The following CNTN5 variants were observed in gnomAD, a reference collection of about 807,000 sequenced individuals.
CNTN5 encodes the protein contactin-5.
In CNTN5, 77 loss-of-function variants were observed where a neutral mutation model predicts 129.1. That is an observed-to-expected ratio of 0.60 (90% CI 0.50 to 0.72). The LOEUF is 0.72. Ranked by LOEUF, CNTN5 falls within the 30% of genes least tolerant of loss-of-function variation. The pLI, the probability that CNTN5 is intolerant of heterozygous loss-of-function variation, is 0.00. For missense variants in CNTN5, 1,478 were observed against 1,328.8 expected, an observed-to-expected ratio of 1.11 and a Z score of -1.75; for synonymous variants, 509 against 465.6, an observed-to-expected ratio of 1.09 and a Z score of -1.20.
intron 3 of CNTN5, among the ~76,000 whole-genome samples, chr11:99,659,568 A>G (rs575291416): frequency 2.6e-5 from 4 of 152,146 alleles, no homozygotes; most frequent in Non-Finnish European, 5.9e-5. Context: ...AGGAGCTGGT[A>G]AGTCCAAAAT....
chr11:99,147,876 T>G (rs918156143), intron 1 of CNTN5, among the ~76,000 whole-genome samples: 2 of 152,078 alleles, frequency 1.3e-5, no homozygotes, highest in Non-Finnish European at 2.9e-5. Flanking sequence ...AGCACTTCAT[T>G]TTATATATTG....
At chr11:99,316,740 A>AG (rs2135985120) in intron 1 of CNTN5, among the ~76,000 whole-genome samples, 1 of 152,194 alleles carries the variant, frequency 6.6e-6, no homozygotes, top group South Asian at 2.1e-4. Context: ...TCAAAAAAAA[A>AG]AAAAGAAAAA....
Position 99,277,080 on chromosome 11 carries a change from A to T in CNTN5, c.-209-48266A>T, listed in dbSNP as rs755196586. ...GGCCTCATTTTCTAAAGCAACATAC[A>T]TATCATTTTGAAAATCTTTGCTAAT... On this transcript the variant is annotated intron_variant, in intron 1 of 24. Transcript: ENST00000524871. 3.3e-5 allele frequency among the ~76,000 whole-genome samples: 5 copies of T among 151,832 alleles called. No homozygotes were observed. The South Asian group carries it at 1.0e-3, about 31-fold the overall frequency.
intron 17 of CNTN5, among the ~76,000 whole-genome samples, chr11:100,260,918 T>C (rs1430016882): frequency 6.6e-6 from 1 of 152,118 alleles, no homozygotes. Flanking sequence ...CCATTTCTAT[T>C]AAAAATAGTA....
Position 99,685,108 on chromosome 11 carries a change from G to C in CNTN5, c.55+128839G>C, listed in dbSNP as rs1438700542. 4.6e-5 allele frequency among the ~76,000 whole-genome samples: 7 copies of C among 151,108 alleles called. No individual in the cohort carries two copies. The East Asian group carries it at 1.4e-3, about 29-fold the overall frequency. ...TCTAACAAATTTTTCTCACATTTTT[G>C]TCATAATTTCAATTTTTTTCCATTT... is the stretch of plus-strand genomic sequence containing the variant. On this transcript the variant is annotated intron_variant, in intron 3 of 24. Transcript: ENST00000524871.
At chr11:99,930,796 A>ACACACACACACAC (rs1950174060) in intron 7 of CNTN5, among the ~76,000 whole-genome samples, 3 of 149,454 alleles carry the variant, frequency 2.0e-5, no homozygotes, top group Admixed American at 1.3e-4. Flanking sequence ...CATACACACA[A>ACACACACACACAC]ACACACACAC....
intron 1 of CNTN5, among the ~76,000 whole-genome samples, chr11:99,099,968 T>G (rs183064281): frequency 2.9e-4 from 44 of 152,268 alleles, no homozygotes; most frequent in African/African-American, 1.0e-3. Context: ...TTGGTTGAAA[T>G]CATATTCTAT....
intron 3 of CNTN5, among the ~76,000 whole-genome samples, chr11:99,611,554 G>A (rs989936266): frequency 2.0e-5 from 3 of 152,140 alleles, no homozygotes; most frequent in Admixed American, 2.0e-4. Flanking sequence ...TAAATACACA[G>A]AGGAAAATGG....
In CNTN5 at chr11:99,087,953, T is replaced by C. The variant is rs143847930; in HGVS notation, c.-210+66683T>C. Among the ~76,000 whole-genome samples, 697 of 152,322 alleles carry C rather than the reference T, an allele frequency of 4.6e-3. 5 individuals are homozygous for C. The highest frequency in any genetic ancestry group is 0.016 in the African/African-American group (656 of 41,564). On this transcript the variant is annotated intron_variant, in intron 1 of 24. Transcript: ENST00000524871. ...AAATGCTTAGCCTAATGCTATGCTG[T>C]CACTGTCTTGAAATTCTTAATAATT...
intron 2 of CNTN5, among the ~76,000 whole-genome samples, chr11:99,486,475 G>A (rs553947096): frequency 3.9e-4 from 59 of 151,966 alleles, no homozygotes; most frequent in African/African-American, 1.3e-3. Context: ...TTTTAGAACA[G>A]TTAAATTTGT....
chr11:99,277,423 T>C (rs980758370), intron 1 of CNTN5, among the ~76,000 whole-genome samples: 7 of 151,646 alleles, frequency 4.6e-5, no homozygotes, highest in Admixed American at 6.6e-5. Context: ...ACTCACACCA[T>C]TGAGACTCAC....
chr11:99,671,105 G>GCTCTTGCTCT (rs1953019571), intron 3 of CNTN5, among the ~76,000 whole-genome samples: 1 of 150,646 alleles, frequency 6.6e-6, no homozygotes, highest in Admixed American at 6.6e-5. Context: ...TCGCTCGCTC[G>GCTCTTGCTCT]CTCGCTCTTG....
At chr11:99,088,763 G>A (rs1866107201) in intron 1 of CNTN5, among the ~76,000 whole-genome samples, 1 of 152,194 alleles carries the variant, frequency 6.6e-6, no homozygotes, top group Non-Finnish European at 1.5e-5. Context: ...CAAGGTAGAA[G>A]AGGATGAGAA....
Position 99,405,512 on chromosome 11 carries a change from T to C in CNTN5, c.-71+80028T>C, listed in dbSNP as rs570264892. The stretch of plus-strand genomic sequence containing the variant: ...AAGGACTCTGATATATTCTTCAGTA[T>C]GCCAATTGCATTTTTCACCTACAGG... On this transcript the variant is annotated intron_variant, in intron 2 of 24. Transcript: ENST00000524871. 4.1e-3 allele frequency among the ~76,000 whole-genome samples: 618 copies of C among 152,094 alleles called. 2 individuals carry two copies. The highest frequency in any genetic ancestry group is 6.9e-3 in the Non-Finnish European group (471 of 68,012).
chr11:99,545,384 T>C (rs7925532), intron 2 of CNTN5, among the ~76,000 whole-genome samples: 59,521 of 152,014 alleles, frequency 0.39, 11,950 homozygotes, highest in African/African-American at 0.43. Context: ...GTGGGTTAAA[T>C]TTTAAGTAAA....
At chr11:100,030,041 A>C (rs532257566) in intron 9 of CNTN5, among the ~76,000 whole-genome samples, 47 of 152,262 alleles carry the variant, frequency 3.1e-4, no homozygotes, top group African/African-American at 1.1e-3. Context: ...TCTACTTTGA[A>C]CTGTAGTGTG....
chr11:99,314,423 T>C (rs1307779077), intron 1 of CNTN5, among the ~76,000 whole-genome samples: 1 of 152,104 alleles, frequency 6.6e-6, no homozygotes, highest in African/African-American at 2.4e-5. Flanking sequence ...CTGTACCATG[T>C]ACACTTGGAC....
At chr11:99,021,816 T>C (rs1337775589) in intron 1 of CNTN5, among the ~76,000 whole-genome samples, 2 of 152,218 alleles carry the variant, frequency 1.3e-5, no homozygotes, top group African/African-American at 4.8e-5. Flanking sequence ...GCTGAGCTTT[T>C]TTCTAAAGGT....
At chr11:99,161,401 A>G (rs546112439) in intron 1 of CNTN5, among the ~76,000 whole-genome samples, 1 of 151,796 alleles carries the variant, frequency 6.6e-6, no homozygotes, top group Non-Finnish European at 1.5e-5. Flanking sequence ...CTTTTTTTTT[A>G]ATTCTAGGAT....
Sources: gnomAD v4.1 joint callset for allele counts (sites outside exome capture counted in the v4.1 genomes callset) on GRCh38, gnomAD v4.1.1 for gene constraint, MANE v1.5 for transcripts, NCBI Gene and HGNC (gene_info 2026-07-23, HGNC 2026-07-21) for gene names.